Variants in MAST4 observed in about 807,000 individuals in gnomAD.
MAST4 encodes the protein microtubule associated serine/threonine kinase family member 4, also known as microtubule-associated serine/threonine-protein kinase 4.
MAST4 carries 89 observed loss-of-function variants against 162.7 expected under a neutral mutation model. The ratio of observed to expected loss-of-function variants is 0.55; its 90% CI spans 0.46 to 0.65. The LOEUF is 0.65. Ranked by LOEUF, MAST4 falls within the 30% of genes least tolerant of loss-of-function variation. The pLI is 0.00. For missense variants in MAST4, 3,153 were observed against 3,374.0 expected, an observed-to-expected ratio of 0.93 and a Z score of 1.62; for synonymous variants, 1,479 against 1,361.1, an observed-to-expected ratio of 1.09 and a Z score of -1.91.
chr5:66,951,610 G>A (rs1006120415), intron 4 of MAST4, among the ~76,000 whole-genome samples: 3 of 144,080 alleles, frequency 2.1e-5, no homozygotes, highest in South Asian at 2.3e-4. Context: ...GTGTGTGTGT[G>A]TGTGTGTGTG....
intron 4 of MAST4, among the ~76,000 whole-genome samples, chr5:66,918,431 A>T (rs1330018277): frequency 1.3e-5 from 2 of 152,176 alleles, no homozygotes; most frequent in Non-Finnish European, 2.9e-5. Context: ...GTCACACTTG[A>T]AACTGGATAA....
intron 1 of MAST4, among the ~76,000 whole-genome samples, chr5:66,725,846 C>T (rs925640948): frequency 2.6e-5 from 4 of 152,128 alleles, no homozygotes; most frequent in African/African-American, 2.4e-5. Flanking sequence ...TGTTATGTGC[C>T]GGTTGAAATA....
At chr5:66,646,831 A>G (rs1745871134) in intron 1 of MAST4, among the ~76,000 whole-genome samples, 1 of 152,194 alleles carries the variant, frequency 6.6e-6, no homozygotes, top group South Asian at 2.1e-4. Context: ...ACAGAAGCAA[A>G]TGTCAGATTC....
At chr5:66,848,285 G>C (rs12110247) in intron 3 of MAST4, among the ~76,000 whole-genome samples, 10 of 151,776 alleles carry the variant, frequency 6.6e-5, no homozygotes, top group African/African-American at 2.2e-4. Flanking sequence ...TGCTTTATAT[G>C]TAAATAATTT....
At chr5:66,738,030 T>C (rs1478386071) in intron 1 of MAST4, 1 of 152,218 alleles carries the variant, frequency 6.6e-6, no homozygotes, top group Non-Finnish European at 1.5e-5. Flanking sequence ...CTGGATGAGC[T>C]GTGCAAAGAG....
intron 1 of MAST4, among the ~76,000 whole-genome samples, chr5:66,659,619 G>A (rs931150018): frequency 2.0e-5 from 3 of 152,054 alleles, no homozygotes; most frequent in African/African-American, 7.2e-5. Flanking sequence ...TGCATTTTTT[G>A]TTATCATGTA....
intron 26 of MAST4, 45 bp from the exon 27 acceptor site, chr5:67,160,411 T>G (rs1054885957): frequency 2.5e-6 from 4 of 1,576,712 alleles, no homozygotes; most frequent in East Asian, 2.3e-5. Context: ...CTGATCTTGC[T>G]TCATCACAGC....
At chr5:67,049,025 ATATATATATATATATACGTG>A (rs1757769245) in intron 4 of MAST4, among the ~76,000 whole-genome samples, 1 of 69,082 alleles carries the variant, frequency 1.4e-5, no homozygotes, top group African/African-American at 6.5e-5. Flanking sequence ...ATATATACGT[ATATATATATATATATACGTG>A]TATATATATA....
chr5:66,824,476 G>T (rs900762973), intron 3 of MAST4, among the ~76,000 whole-genome samples: 21 of 152,200 alleles, frequency 1.4e-4, no homozygotes, highest in Non-Finnish European at 1.9e-4. Flanking sequence ...TGCTGGATGG[G>T]GCTGGATTAG....
At chr5:67,126,053 T>G (rs1185909168) in intron 14 of MAST4, among the ~76,000 whole-genome samples, 1 of 152,200 alleles carries the variant, frequency 6.6e-6, no homozygotes, top group Non-Finnish European at 1.5e-5. Flanking sequence ...TTTTGAGAAG[T>G]GTCTGTTCAT....
At position 67,166,791 on chromosome 5, in the gene MAST4, C is replaced by T; in HGVS notation, c.7612C>T (p.Pro2538Ser). 1 of 1,603,098 alleles carries T rather than the reference C, an allele frequency of 6.2e-7. No individual in the cohort carries two copies. The highest frequency in any genetic ancestry group is 8.5e-7 in the Non-Finnish European group (1 of 1,175,336). ...TLPLESHHPD[P>S]NTMGGASHRD... Reference sequence around the variant, plus strand: ...GCCTCTGGAGTCACACCACCCCGACCCAAACACCATGGGCGGGGCCAGCCA... The same window carrying T: ...GCCTCTGGAGTCACACCACCCCGACTCAAACACCATGGGCGGGGCCAGCCA... The change falls in exon 29 of 29, where the codon CCA (proline) becomes TCA (serine). Residue 2538 changes from proline to serine, a missense_variant. Pro to Ser is a moderately conservative substitution (Grantham distance 74). This residue lies in a region of MAST4 where 1,644 missense variants were observed against 1,495.0 expected (regional missense o/e 1.10). Coordinates refer to ENST00000403625, the MANE Select transcript of MAST4 (RefSeq NM_001164664.2).
At chr5:66,872,240 G>A (rs1760989348) in intron 3 of MAST4, among the ~76,000 whole-genome samples, 2 of 152,118 alleles carry the variant, frequency 1.3e-5, no homozygotes, top group South Asian at 2.1e-4. Flanking sequence ...CGTGATCTCG[G>A]CTCACTGCAA....
chr5:66,959,166 G>C, intron 4 of MAST4: 2 of 776,344 alleles, frequency 2.6e-6, no homozygotes, highest in Admixed American at 1.7e-5. Flanking sequence ...AGAGAGGTTC[G>C]GTTTGGCTCT....
At chr5:67,145,952 T>A (rs1213654094) in intron 23 of MAST4, among the ~76,000 whole-genome samples, 1 of 152,174 alleles carries the variant, frequency 6.6e-6, no homozygotes, top group African/African-American at 2.4e-5. Context: ...GCAGACTGAG[T>A]GCAACAAGAC....
At chr5:66,960,972 C>T (rs2150158274) in intron 4 of MAST4, among the ~76,000 whole-genome samples, 1 of 152,276 alleles carries the variant, frequency 6.6e-6, no homozygotes. Flanking sequence ...CTTCTATCCT[C>T]TTATCTTGGT....
At chr5:66,723,134 A>C (rs560411996) in intron 1 of MAST4, among the ~76,000 whole-genome samples, 2 of 152,274 alleles carry the variant, frequency 1.3e-5, no homozygotes, top group African/African-American at 4.8e-5. Flanking sequence ...CTACGTCTTC[A>C]GTGGCACTTC....
At chr5:67,137,027 G>A (rs1431774733) in intron 19 of MAST4, among the ~76,000 whole-genome samples, 1 of 152,108 alleles carries the variant, frequency 6.6e-6, no homozygotes, top group Non-Finnish European at 1.5e-5. Flanking sequence ...CAGAGGATTC[G>A]ATATTTGGAA....
At chr5:66,933,687 C>T (rs1333343299) in intron 4 of MAST4, among the ~76,000 whole-genome samples, 2 of 152,064 alleles carry the variant, frequency 1.3e-5, no homozygotes, top group Non-Finnish European at 2.9e-5. Flanking sequence ...GGCAAAGTGG[C>T]CACATGTGGA....
chr5:66,852,290 C>T (rs189156450), intron 3 of MAST4, among the ~76,000 whole-genome samples: 4 of 152,234 alleles, frequency 2.6e-5, no homozygotes, highest in South Asian at 4.1e-4. Flanking sequence ...TGGGACTACA[C>T]GCATGCACTA....
Sources: allele counts gnomAD v4.1 joint callset (sites outside exome capture counted in the v4.1 genomes callset), GRCh38; gene constraint gnomAD v4.1.1; regional missense constraint gnomAD v4.1.1; transcripts MANE v1.5; gene names NCBI Gene and HGNC (gene_info 2026-07-23, HGNC 2026-07-21).